SPTBN1: variants seen among roughly 807,000 people sequenced by gnomAD.
SPTBN1 encodes spectrin beta, non-erythrocytic 1.
A neutral mutation model predicts 266.4 loss-of-function variants in SPTBN1; 32 were observed. The ratio of observed to expected loss-of-function variants is 0.12; its 90% CI spans 0.09 to 0.16. The LOEUF is 0.16. Among genes scored for constraint, SPTBN1 ranks in the 10% least tolerant of loss-of-function variants. The pLI is 1.00. For missense variants in SPTBN1, 2,296 were observed against 3,067.1 expected, an observed-to-expected ratio of 0.75 and a Z score of 5.94; for synonymous variants, 1,336 against 1,162.2, an observed-to-expected ratio of 1.15 and a Z score of -3.04.
At chr2:54,623,683 AGACTG>A (rs1010940195) in intron 10 of SPTBN1, 87 bp downstream of exon 10, 1 of 1,092,018 alleles carries the variant, frequency 9.2e-7, no homozygotes, top group African/African-American at 1.6e-5. Context: ...AGAGGACAAG[AGACTG>A]GAAGGGGCTG....
chr2:54,464,424 T>C (rs1693522863), intron 1 of SPTBN1, among the ~76,000 whole-genome samples: 1 of 152,174 alleles, frequency 6.6e-6, no homozygotes. Context: ...GGATGCAAAA[T>C]TGTATAGTGT....
chr2:54,500,677 G>C (rs1669209551), intron 1 of SPTBN1, among the ~76,000 whole-genome samples: 1 of 152,108 alleles, frequency 6.6e-6, no homozygotes, highest in Non-Finnish European at 1.5e-5. Flanking sequence ...TCCTGTAGTA[G>C]CTGGGACTAC....
intron 3 of SPTBN1, among the ~76,000 whole-genome samples, chr2:54,600,608 A>G (rs6705313): frequency 0.042 from 6,435 of 152,090 alleles, 450 homozygotes; most frequent in African/African-American, 0.15. Context: ...GACTAGAATT[A>G]TTGTGATATG....
At chr2:54,571,976 T>C (rs1445509807) in intron 2 of SPTBN1, among the ~76,000 whole-genome samples, 1 of 152,170 alleles carries the variant, frequency 6.6e-6, no homozygotes, top group East Asian at 1.9e-4. Flanking sequence ...ATCTACTTTT[T>C]TTGATAAAAT....
At chr2:54,465,639 C>T (rs10641314) in intron 1 of SPTBN1, among the ~76,000 whole-genome samples, 1,724 of 116,214 alleles carry the variant, frequency 0.015, 58 homozygotes, top group African/African-American at 0.037. Context: ...ATGTTTATCT[C>T]ATATATATAT....
Position 54,469,164 on chromosome 2 carries a change from G to A in SPTBN1, c.-48+12646G>A, listed in dbSNP as rs375692201. ...TGGAGGTGACTTGCTGGCCTTTGTTGCCTTTAACTCTAGTATTCGGCTTCT... is the reference window on the plus strand; with the variant it reads ...TGGAGGTGACTTGCTGGCCTTTGTTACCTTTAACTCTAGTATTCGGCTTCT... On this transcript the variant is annotated intron_variant, in intron 1 of 35. Transcript: ENST00000356805. Among the ~76,000 whole-genome samples, 5 of 152,266 alleles carry A rather than the reference G, an allele frequency of 3.3e-5. No homozygotes were observed. The East Asian group carries it at 9.6e-4, about 29-fold the overall frequency.
intron 2 of SPTBN1, among the ~76,000 whole-genome samples, chr2:54,560,596 C>T (rs1198040165): frequency 2.0e-5 from 3 of 152,140 alleles, no homozygotes; most frequent in South Asian, 4.1e-4. Flanking sequence ...TTACCTCATA[C>T]GCTGTTTCTC....
chr2:54,504,395 G>C (rs866140041), intron 1 of SPTBN1, among the ~76,000 whole-genome samples: 2 of 152,182 alleles, frequency 1.3e-5, no homozygotes, highest in African/African-American at 2.4e-5. Context: ...AGTCATACCA[G>C]CCTAAGCAGT....
At chr2:54,467,994 C>T (rs571532659) in intron 1 of SPTBN1, among the ~76,000 whole-genome samples, 4 of 152,180 alleles carry the variant, frequency 2.6e-5, no homozygotes, top group Admixed American at 1.3e-4. Flanking sequence ...TATGTGACCC[C>T]GGAAACATAC....
chr2:54,572,119 G>A (rs1376139891), intron 2 of SPTBN1, among the ~76,000 whole-genome samples: 2 of 152,102 alleles, frequency 1.3e-5, no homozygotes, highest in African/African-American at 4.8e-5. Context: ...AAACTTTGGT[G>A]AGGAGAAGAG....
chr2:54,605,905 G>C (rs1313391546), intron 3 of SPTBN1, among the ~76,000 whole-genome samples: 1 of 152,210 alleles, frequency 6.6e-6, no homozygotes, highest in African/African-American at 2.4e-5. Context: ...GGCACAGCCA[G>C]TCGCCATCAG....
At chr2:54,527,458 T>G (rs1413855149) in intron 2 of SPTBN1, 1 of 152,194 alleles carries the variant, frequency 6.6e-6, no homozygotes, top group African/African-American at 2.4e-5. Context: ...TTATGAAGCA[T>G]GCATCATTTA....
At position 54,465,356 on chromosome 2, in the gene SPTBN1, T is replaced by A. The variant is rs550293733; in HGVS notation, c.-48+8838T>A. ...GTGCATGTTCTCACTCGTGGAAACC[T>A]AAACACTGCTACTGGAGCTAGTTTG... On this transcript the variant is annotated intron_variant, in intron 1 of 35. Coordinates refer to ENST00000356805, the MANE Select transcript of SPTBN1 (RefSeq NM_003128.3). Among the ~76,000 whole-genome samples, 3 of 152,296 alleles carry A rather than the reference T, an allele frequency of 2.0e-5. No homozygotes were observed. In the East Asian group the frequency reaches 5.8e-4, roughly 29 times the overall value.
intron 3 of SPTBN1, among the ~76,000 whole-genome samples, chr2:54,602,521 C>T (rs1208997536): frequency 6.6e-6 from 1 of 152,188 alleles, no homozygotes; most frequent in African/African-American, 2.4e-5. Flanking sequence ...ACTATGGTGG[C>T]CAGTTTTTTG....
At chr2:54,466,686 C>G (rs1693652922) in intron 1 of SPTBN1, among the ~76,000 whole-genome samples, 1 of 149,636 alleles carries the variant, frequency 6.7e-6, no homozygotes. Context: ...GATTTCATCT[C>G]TGTATATTTT....
intron 2 of SPTBN1, among the ~76,000 whole-genome samples, chr2:54,529,163 C>T (rs1261409121): frequency 6.6e-6 from 1 of 152,176 alleles, no homozygotes; most frequent in East Asian, 1.9e-4. Context: ...ATCCAACAGG[C>T]CAGGTGATGC....
At chr2:54,468,315 TAAAATAAAAAAATAAAAAATAAA>T (rs1693741697) in intron 1 of SPTBN1, among the ~76,000 whole-genome samples, 1 of 140,830 alleles carries the variant, frequency 7.1e-6, no homozygotes, top group African/African-American at 2.8e-5. Context: ...TCAAAAAAAA[TAAAATAAAAAAATAAAAAATAAA>T]AAAATAAAAA....
chr2:54,645,139 G>A lies in SPTBN1; in HGVS notation c.4270-90G>A. On this transcript the variant is annotated intron_variant, in intron 20 of 35. Coordinates refer to ENST00000356805, the MANE Select transcript of SPTBN1 (RefSeq NM_003128.3). This position sits in a 1 kb window ranked among gnomAD's most constrained non-coding sequence, Gnocchi z 4.3. Reference sequence around the variant, plus strand: ...CTCCCATGGCTGGCTTTGCGGTGTGGCCAAGTCCCAGGCCCAGCAGTTCTG... The same window carrying A: ...CTCCCATGGCTGGCTTTGCGGTGTGACCAAGTCCCAGGCCCAGCAGTTCTG... The A allele has an allele frequency of 1.4e-6, 2 of 1,425,278 alleles. No individual in the cohort carries two copies. Among genetic ancestry groups the A allele is most frequent in the South Asian group, 2.5e-5 (2 of 80,218 alleles). The allele number at this position is 1,425,278 out of a possible 1,614,324, so 88.3% of individuals were successfully genotyped here. A position where few individuals can be genotyped will look rare whatever the true frequency, so the allele number is the denominator to read the frequency against.
chr2:54,586,071 AG>A (rs368264053), intron 2 of SPTBN1, among the ~76,000 whole-genome samples: 3 of 152,204 alleles, frequency 2.0e-5, no homozygotes, highest in African/African-American at 7.2e-5. Flanking sequence ...GGGGCTTGTC[AG>A]TATAAAATTA....
Sources: allele counts gnomAD v4.1 joint callset (sites outside exome capture counted in the v4.1 genomes callset), GRCh38; gene constraint gnomAD v4.1.1; non-coding constraint Gnocchi (gnomAD v3.1); transcripts MANE v1.5; gene names NCBI Gene and HGNC (gene_info 2026-07-23, HGNC 2026-07-21).